RCBTB2: variants seen among roughly 807,000 people sequenced by gnomAD.
RCBTB2 encodes the protein RCC1 and BTB domain containing protein 2, also known as RCC1 and BTB domain-containing protein 2.
In RCBTB2, 55 loss-of-function variants were observed where a neutral mutation model predicts 65.4. The observed-to-expected ratio is 0.84, with a 90% CI of 0.68 to 1.05. The LOEUF (loss-of-function observed/expected upper bound fraction) is 1.05, where lower values mean the gene tolerates loss of function less well. RCBTB2 is among the 50% of genes least tolerant of loss of function. The pLI is 0.00. For missense variants in RCBTB2, 599 were observed against 680.1 expected (o/e 0.88, Z 1.33); for synonymous variants, 220 against 255.2 (o/e 0.86, Z 1.31).
rs569552454 is a variant in RCBTB2 at position 48,490,187 on chromosome 13, C to T, written c.1580G>A (p.Gly527Asp). Reference protein sequence around the residue: ...NHLTVVTQTSGFAEMDHDLLK... With the variant: ...NHLTVVTQTSDFAEMDHDLLK... ...GAGATCATGGTCCATTTCTGCAAAA[C>T]CTGATGTTTGTGTTACTACAGTCAG... The change falls in exon 15 of 15, where the codon GGT (glycine) becomes GAT (aspartate). Residue 527 changes from glycine to aspartate, a missense_variant. Gly to Asp is a moderately conservative substitution (Grantham distance 94). Coordinates refer to ENST00000344532, the MANE Select transcript of RCBTB2 (RefSeq NM_001268.4). 41 of 1,613,814 alleles carry T rather than the reference C, an allele frequency of 2.5e-5. No homozygotes were observed. The highest frequency in any genetic ancestry group is 3.5e-5 in the Non-Finnish European group (41 of 1,179,822).
chr13:48,506,282 G>A (rs1020874981), intron 10 of RCBTB2, among the ~76,000 whole-genome samples: 6 of 152,208 alleles, frequency 3.9e-5, no homozygotes, highest in South Asian at 4.1e-4. Context: ...CAGTGGCGTC[G>A]GCTTCAATCC....
intron 7 of RCBTB2, 53 bp downstream of exon 7, chr13:48,512,676 T>A: frequency 7.0e-7 from 1 of 1,436,182 alleles, no homozygotes; most frequent in Non-Finnish European, 9.7e-7. Context: ...ACTATAGAAG[T>A]CTACATAATC....
chr13:48,533,254 C>G (rs1952286352), upstream of RCBTB2: 1 of 302,948 alleles, frequency 3.3e-6, no homozygotes, highest in Non-Finnish European at 6.5e-6. Context: ...CCCACCGCCG[C>G]CCCTCCCCTT....
intron 13 of RCBTB2, among the ~76,000 whole-genome samples, chr13:48,499,111 A>ACACACACACACACAC (rs1950107608): frequency 6.6e-5 from 7 of 105,850 alleles, no homozygotes; most frequent in African/African-American, 2.6e-4. Flanking sequence ...CCCCCACCCC[A>ACACACACACACACAC]ACACACACAC....
At chr13:48,532,571 C>A (rs538177479) in intron 1 of RCBTB2, 16,860 of 166,358 alleles carry the variant, frequency 0.1, 2,391 homozygotes, top group African/African-American at 0.38. Context: ...CCTGTGACGC[C>A]CCCCCAGCCA....
Position 48,510,666 on chromosome 13 carries a change from G to T in RCBTB2, c.889C>A (p.Gln297Lys). 2 of 1,614,196 alleles carry T rather than the reference G, an allele frequency of 1.2e-6. No individual in the cohort carries two copies. Among genetic ancestry groups the T allele is most frequent in the Non-Finnish European group, 1.7e-6 (2 of 1,180,042 alleles). The change falls in exon 10 of 15, where the codon CAG becomes AAG. Residue 297 changes from glutamine (Q) to lysine (K), a missense_variant. Coordinates refer to ENST00000344532, the MANE Select transcript of RCBTB2 (RefSeq NM_001268.4). ...ACAGTGACAGGAGTAGGATAGGACT[G>T]GTTGCTTTTATTGCCAGTGCCCAAC... ...GQLGTGNKSN[Q>K]SYPTPVTVEK...
intron 6 of RCBTB2, among the ~76,000 whole-genome samples, chr13:48,513,225 AG>A (rs1018356944): frequency 2.0e-5 from 3 of 152,218 alleles, no homozygotes; most frequent in African/African-American, 7.2e-5. Flanking sequence ...TAACTCCCCT[AG>A]GTCTTAATTT....
rs532755741 is a variant in RCBTB2, at chr13:48,523,197, G to A, written c.-119-794C>T. 6.6e-5 allele frequency among the ~76,000 whole-genome samples: 10 copies of A among 152,112 alleles called. 1 individual carries two copies. Among genetic ancestry groups the A allele is most frequent in the African/African-American group, 2.4e-4 (10 of 41,496 alleles). On this transcript the variant is annotated intron_variant, in intron 2 of 14. Coordinates refer to ENST00000344532, the MANE Select transcript of RCBTB2 (RefSeq NM_001268.4). ...TAATACTTACTACATATTATCTATG[G>A]CATCTTAGCAGATCTGTTAAAATCC...
At chr13:48,504,010 C>T (rs935341873) in intron 10 of RCBTB2, among the ~76,000 whole-genome samples, 6 of 152,210 alleles carry the variant, frequency 3.9e-5, no homozygotes, top group African/African-American at 1.4e-4. Context: ...GTACCAGCAT[C>T]CTCAGAGACT....
At chr13:48,511,324 T>A (rs1950783128) in intron 9 of RCBTB2, among the ~76,000 whole-genome samples, 1 of 152,216 alleles carries the variant, frequency 6.6e-6, no homozygotes, top group African/African-American at 2.4e-5. Context: ...CCAGCATATA[T>A]ACTTGGCATA....
intron 4 of RCBTB2, among the ~76,000 whole-genome samples, chr13:48,520,128 C>G (rs530469404): frequency 1.3e-5 from 2 of 152,262 alleles, no homozygotes; most frequent in South Asian, 4.1e-4. Context: ...AAGGGATACT[C>G]TACCTGTGTC....
intron 1 of RCBTB2, chr13:48,532,662 A>G (rs1463223632): frequency 4.0e-6 from 1 of 247,972 alleles, no homozygotes; most frequent in Non-Finnish European, 8.1e-6. Flanking sequence ...GACCCCTACC[A>G]GAGGACTCGC....
At chr13:48,505,047 TTTC>T (rs1403870561) in intron 10 of RCBTB2, among the ~76,000 whole-genome samples, 1 of 145,572 alleles carries the variant, frequency 6.9e-6, no homozygotes, top group Non-Finnish European at 1.5e-5. Context: ...TTTTTATTTC[TTTC>T]TTTTTTTTTT....
At chr13:48,491,597 G>C (rs1206305865) in intron 14 of RCBTB2, 1 of 152,200 alleles carries the variant, frequency 6.6e-6, no homozygotes, top group East Asian at 1.9e-4. Flanking sequence ...AAACCAGATA[G>C]AGATGCATCA....
chr13:48,507,543 A>G (rs910103126), intron 10 of RCBTB2, among the ~76,000 whole-genome samples: 28 of 152,230 alleles, frequency 1.8e-4, no homozygotes, highest in African/African-American at 6.8e-4. Context: ...ATCAACAACA[A>G]CTGCTGAGCT....
Position 48,510,628 on chromosome 13 carries a change from C to G in RCBTB2, c.926+1G>C. The G allele has an allele frequency of 6.2e-7, 1 of 1,613,904 alleles. No homozygotes were observed. The highest frequency in any genetic ancestry group is 8.5e-7 in the Non-Finnish European group (1 of 1,179,882). On this transcript the variant is annotated splice_donor_variant, in intron 10 of 14. Coordinates refer to ENST00000344532, the MANE Select transcript of RCBTB2 (RefSeq NM_001268.4). LOFTEE classifies it high-confidence loss of function. The stretch of plus-strand genomic sequence containing the variant: ...GGGGACTGTGAAAATGCCCGTGTTA[C>G]CTGTCCTTTTCCACAGTGACAGGAG...
chr13:48,516,450 G>A (rs1269277005), intron 4 of RCBTB2, among the ~76,000 whole-genome samples: 1 of 152,212 alleles, frequency 6.6e-6, no homozygotes, highest in African/African-American at 2.4e-5. Context: ...CCTTCTGAGG[G>A]CTGTGAGGGA....
chr13:48,530,442 T>C (rs1439323645), intron 1 of RCBTB2, among the ~76,000 whole-genome samples: 1 of 152,218 alleles, frequency 6.6e-6, no homozygotes, highest in Non-Finnish European at 1.5e-5. Flanking sequence ...CTTTCTAAAA[T>C]TATTCCTCTC....
Position 48,515,648 on chromosome 13 carries a change from G to A in RCBTB2, c.136C>T (p.Arg46Cys), listed in dbSNP as rs144657295. 1.1e-5 allele frequency: 17 copies of A among 1,613,836 alleles called. No homozygotes were observed. The highest frequency in any genetic ancestry group is 2.2e-5 in the East Asian group (1 of 44,876). Residue 46 changes from arginine to cysteine, a missense_variant, in exon 5 of 15, where the codon CGT becomes TGT. Physicochemically the swap from Arg to Cys is radical, Grantham distance 180. Transcript: ENST00000344532. The part of the protein sequence containing the change: ...LCSEEELQLI[R>C]QACVFGSAGN... ...GCACTGCCAAAGACACAAGCCTGAC[G>A]AATTAACTGTAGTTCTTCTTCAGAA...
Sources: gnomAD v4.1 joint callset for allele counts (sites outside exome capture counted in the v4.1 genomes callset) on GRCh38, gnomAD v4.1.1 for gene constraint, MANE v1.5 for transcripts, NCBI Gene and HGNC (gene_info 2026-07-23, HGNC 2026-07-21) for gene names.